ZBTB44: variants seen among roughly 807,000 people sequenced by gnomAD.
ZBTB44 encodes zinc finger and BTB domain containing 44, also known as zinc finger and BTB domain-containing protein 44.
Under a neutral mutation model 54.0 loss-of-function variants are expected in ZBTB44, and 15 were observed. The observed-to-expected ratio is 0.28, with a 90% CI of 0.19 to 0.43. ZBTB44 has a LOEUF of 0.43. Among genes scored for constraint, ZBTB44 ranks in the 20% least tolerant of loss-of-function variants. ZBTB44 has a pLI of 1.00. For synonymous variants in ZBTB44, 230 were observed against 250.1 expected, an observed-to-expected ratio of 0.92 and a Z score of 0.76; for missense variants, 487 against 707.1, an observed-to-expected ratio of 0.69 and a Z score of 3.53.
At chr11:130,303,167 T>A (rs988563925) in intron 1 of ZBTB44, among the ~76,000 whole-genome samples, 1 of 152,190 alleles carries the variant, frequency 6.6e-6, no homozygotes, top group African/African-American at 2.4e-5. Context: ...AAGAAAATAA[T>A]TTTTAAAAGG....
chr11:130,230,922 A>G lies in ZBTB44; in HGVS notation c.*842T>C, dbSNP rs1953853968. 2 of 152,110 alleles carry G rather than the reference A, an allele frequency of 1.3e-5. No homozygotes were observed. The highest frequency in any genetic ancestry group is 4.1e-4 in the South Asian group (2 of 4,832). The allele number at this position is 152,110 out of a possible 1,614,324, so 9.4% of individuals were successfully genotyped here. A position where few individuals can be genotyped will look rare whatever the true frequency, so the allele number is the denominator to read the frequency against. ...CACCTATTTGGTAGTTAAAAAACTG[A>G]AAATAAAAGCTTGTACAAAATGCTT... On this transcript the variant is annotated 3_prime_UTR_variant, in exon 8 of 8. Transcript: ENST00000357899.
At chr11:130,306,362 C>T (rs781388409) in intron 1 of ZBTB44, among the ~76,000 whole-genome samples, 1 of 151,930 alleles carries the variant, frequency 6.6e-6, no homozygotes, top group East Asian at 1.9e-4. Flanking sequence ...ATTAGCTGGG[C>T]GTGGTGGTGC....
chr11:130,301,410 T>A (rs549783463), intron 1 of ZBTB44, among the ~76,000 whole-genome samples: 1 of 152,118 alleles, frequency 6.6e-6, no homozygotes, highest in Non-Finnish European at 1.5e-5. Context: ...TCCCACCACT[T>A]TGGGAGGCCA....
chr11:130,237,161 T>A, intron 4 of ZBTB44, 68 bp from the exon 5 acceptor site: 2 of 1,356,816 alleles, frequency 1.5e-6, no homozygotes, highest in Non-Finnish European at 1.9e-6. Context: ...CCCTACAAAT[T>A]TCTGAACTAT....
chr11:130,232,935 C>T (rs564145623), intron 7 of ZBTB44: 3 of 163,896 alleles, frequency 1.8e-5, no homozygotes, highest in Admixed American at 6.4e-5. Flanking sequence ...CCCAGGAGTT[C>T]GAAGCTGCAG....
chr11:130,302,048 T>C (rs572241374), intron 1 of ZBTB44, among the ~76,000 whole-genome samples: 229 of 141,918 alleles, frequency 1.6e-3, no homozygotes, highest in African/African-American at 5.4e-3. Context: ...GGAGACCCTG[T>C]CTCAAAAAAA....
At chr11:130,279,720 GTCTA>G (rs1439927994) in intron 1 of ZBTB44, among the ~76,000 whole-genome samples, 2 of 151,910 alleles carry the variant, frequency 1.3e-5, no homozygotes, top group Non-Finnish European at 2.9e-5. Context: ...ACAGTTTGAG[GTCTA>G]TCTGATATTT....
At chr11:130,262,736 A>C (rs1938964077) in intron 1 of ZBTB44, among the ~76,000 whole-genome samples, 1 of 151,698 alleles carries the variant, frequency 6.6e-6, no homozygotes, top group African/African-American at 2.4e-5. Flanking sequence ...AAGGAAGTGG[A>C]AAGAAAAAAA....
At chr11:130,237,844 A>G (rs1379802748) in intron 4 of ZBTB44, among the ~76,000 whole-genome samples, 1 of 152,204 alleles carries the variant, frequency 6.6e-6, no homozygotes, top group Admixed American at 6.5e-5. Flanking sequence ...CTTACTCGTC[A>G]GAGGTCAGTG....
chr11:130,252,340 C>T (rs932068153), intron 2 of ZBTB44, among the ~76,000 whole-genome samples: 2 of 152,102 alleles, frequency 1.3e-5, no homozygotes, highest in African/African-American at 4.8e-5. Context: ...GACTTTAACA[C>T]CCCACTGTCA....
intron 2 of ZBTB44, among the ~76,000 whole-genome samples, chr11:130,244,247 T>C (rs954994095): frequency 1.3e-5 from 2 of 152,176 alleles, no homozygotes; most frequent in African/African-American, 4.8e-5. Context: ...CCTAGCTTAT[T>C]CTCATTAGGT....
intron 1 of ZBTB44, among the ~76,000 whole-genome samples, chr11:130,270,640 G>A (rs1285162639): frequency 6.9e-6 from 1 of 144,624 alleles, no homozygotes; most frequent in Non-Finnish European, 1.5e-5. Flanking sequence ...CAGCAGTGAG[G>A]ATAAAGAAAA....
intron 1 of ZBTB44, among the ~76,000 whole-genome samples, chr11:130,275,035 T>C (rs1939956616): frequency 6.6e-6 from 1 of 152,246 alleles, no homozygotes; most frequent in Non-Finnish European, 1.5e-5. Flanking sequence ...CATTACTTGA[T>C]ATAGATCTAT....
intron 1 of ZBTB44, among the ~76,000 whole-genome samples, chr11:130,298,284 A>C (rs1340825622): frequency 6.6e-6 from 1 of 151,850 alleles, no homozygotes; most frequent in African/African-American, 2.4e-5. Flanking sequence ...CTGGGACTAC[A>C]GGCATGCACC....
intron 2 of ZBTB44, among the ~76,000 whole-genome samples, chr11:130,248,410 G>A (rs1354245940): frequency 6.6e-6 from 1 of 152,194 alleles, no homozygotes; most frequent in Non-Finnish European, 1.5e-5. Context: ...GGGAGGCTGA[G>A]GCAGGCGATC....
In ZBTB44 at chr11:130,261,130, T is replaced by C. The variant is rs753949092; in HGVS notation, c.744A>G (p.Ala248=). Residue 248 remains alanine, a synonymous_variant, in exon 2 of 8, where the codon GCA becomes GCG. Transcript: ENST00000357899. This position sits in a 1 kb window ranked among gnomAD's most constrained non-coding sequence, Gnocchi z 4.8. ...GTAATTCTAAAGTCCGGGTATTTTC[T>C]GCTTGCTTAACTTTCTCAGGCTGAA... ...RRIQPEKVKQ[A]ENTRTLELPG... is the part of the protein sequence containing the mutation. 2 of 1,614,046 alleles carry C rather than the reference T, an allele frequency of 1.2e-6. No individual in the cohort carries two copies. Among genetic ancestry groups the C allele is most frequent in the South Asian group, 1.1e-5 (1 of 91,088 alleles).
chr11:130,300,208 A>C (rs1941915923), intron 1 of ZBTB44, among the ~76,000 whole-genome samples: 1 of 152,196 alleles, frequency 6.6e-6, no homozygotes, highest in South Asian at 2.1e-4. Context: ...CACTTCTGAA[A>C]GATGAAGAGA....
chr11:130,279,550 C>T (rs559412550), intron 1 of ZBTB44, among the ~76,000 whole-genome samples: 1 of 152,098 alleles, frequency 6.6e-6, no homozygotes, highest in Non-Finnish European at 1.5e-5. Flanking sequence ...TCCCAGCTAA[C>T]CGGGATGCTG....
intron 1 of ZBTB44, among the ~76,000 whole-genome samples, chr11:130,298,455 G>GTTTTT (rs996057514): frequency 3.4e-5 from 4 of 116,340 alleles, no homozygotes; most frequent in African/African-American, 1.3e-4. Flanking sequence ...AAAAGTTGAA[G>GTTTTT]TTTTTTTTTT....
Sources: gnomAD v4.1 joint callset for allele counts (sites outside exome capture counted in the v4.1 genomes callset) on GRCh38, gnomAD v4.1.1 for gene constraint, Gnocchi (gnomAD v3.1) non-coding constraint, MANE v1.5 for transcripts, NCBI Gene and HGNC (gene_info 2026-07-23, HGNC 2026-07-21) for gene names.